Variants in DCLK1 observed in about 807,000 individuals in gnomAD.
The protein encoded by DCLK1 is serine/threonine-protein kinase DCLK1.
Under a neutral mutation model 86.2 loss-of-function variants are expected in DCLK1, and 16 were observed. The observed-to-expected ratio is 0.19, with a 90% CI of 0.13 to 0.28. The LOEUF (loss-of-function observed/expected upper bound fraction) is 0.28. DCLK1 is among the 10% of genes least tolerant of loss of function. DCLK1 has a pLI of 1.00. For synonymous variants in DCLK1, 369 were observed against 370.5 expected, an observed-to-expected ratio of 1.00 and a Z score of 0.05; for missense variants, 590 against 940.2, an observed-to-expected ratio of 0.63 and a Z score of 4.87.
At chr13:36,055,690 A>G (rs1199706687) in intron 3 of DCLK1, among the ~76,000 whole-genome samples, 1 of 152,144 alleles carries the variant, frequency 6.6e-6, no homozygotes, top group Non-Finnish European at 1.5e-5. Flanking sequence ...CTTTATGTTG[A>G]CTGCAGGATT....
In DCLK1 at chr13:35,822,861, A is replaced by G; in HGVS notation, c.1422T>C (p.Phe474=). Residue 474 remains phenylalanine, a synonymous_variant, in exon 11 of 17, where the codon TTT becomes TTC. Transcript: ENST00000360631. ...VMELVKGGDL[F]DAITSTNKYT... ...ATTTGTTAGTGGAAGTAATGGCATC[A>G]AAAAGGTCTCCCCCCTGAGAAGAGA... The G allele has an allele frequency of 1.2e-6, 2 of 1,613,922 alleles. No individual in the cohort carries two copies. The highest frequency in any genetic ancestry group is 1.7e-6 in the Non-Finnish European group (2 of 1,179,984).
chr13:35,855,446 T>C (rs1453858293), intron 5 of DCLK1: 24 of 1,490,174 alleles, frequency 1.6e-5, no homozygotes, highest in Middle Eastern at 1.7e-4. Flanking sequence ...AGGAGACACA[T>C]AGATTCTTGA....
intron 2 of DCLK1, among the ~76,000 whole-genome samples, chr13:36,116,033 T>C (rs1885774913): frequency 6.6e-6 from 1 of 151,880 alleles, no homozygotes; most frequent in Admixed American, 6.6e-5. Context: ...CACTGCAACC[T>C]CTGCCTCCTG....
intron 16 of DCLK1, among the ~76,000 whole-genome samples, chr13:35,788,833 T>G (rs997306386): frequency 2.0e-5 from 3 of 152,188 alleles, no homozygotes; most frequent in African/African-American, 7.2e-5. Context: ...CTTTTCCTTT[T>G]TATAAAAGGT....
intron 3 of DCLK1, among the ~76,000 whole-genome samples, chr13:36,071,553 A>T (rs760780422): frequency 1.1e-4 from 16 of 152,214 alleles, no homozygotes; most frequent in Non-Finnish European, 2.1e-4. Context: ...CAAAGTATAA[A>T]TTAGTGGCTA....
At chr13:35,965,179 A>T (rs1384737048) in intron 3 of DCLK1, among the ~76,000 whole-genome samples, 1 of 152,166 alleles carries the variant, frequency 6.6e-6, no homozygotes, top group Non-Finnish European at 1.5e-5. Context: ...TACCTCATGA[A>T]TGTGTCATTC....
chr13:36,048,752 T>A (rs1883019802), intron 3 of DCLK1, among the ~76,000 whole-genome samples: 1 of 152,186 alleles, frequency 6.6e-6, no homozygotes. Context: ...GCTTCTCTCT[T>A]TCCTTGACAG....
intron 3 of DCLK1, among the ~76,000 whole-genome samples, chr13:36,042,075 G>A (rs1220755510): frequency 1.3e-5 from 2 of 152,094 alleles, no homozygotes; most frequent in Non-Finnish European, 2.9e-5. Context: ...TGTAAAGCCA[G>A]AGCTTTGCTT....
chr13:35,802,276 G>A (rs2086936031), intron 15 of DCLK1, among the ~76,000 whole-genome samples: 1 of 151,198 alleles, frequency 6.6e-6, no homozygotes. Flanking sequence ...AGGCTGCAGT[G>A]AGCCATGATT....
intron 8 of DCLK1, among the ~76,000 whole-genome samples, chr13:35,830,465 A>G (rs1015138307): frequency 2.6e-5 from 4 of 152,186 alleles, no homozygotes; most frequent in African/African-American, 4.8e-5. Flanking sequence ...TAGAAGCTCT[A>G]TATCCTATAA....
intron 3 of DCLK1, among the ~76,000 whole-genome samples, chr13:36,039,707 T>A (rs1307809411): frequency 1.3e-5 from 2 of 151,734 alleles, no homozygotes; most frequent in African/African-American, 4.8e-5. Context: ...AAAAAAAAAA[T>A]CTTTGATCCA....
chr13:35,958,210 CCATCACCACCACCACTATAACCACCAT>C (rs1878212447), intron 3 of DCLK1, among the ~76,000 whole-genome samples: 1 of 134,920 alleles, frequency 7.4e-6, no homozygotes, highest in Non-Finnish European at 1.6e-5. Context: ...ACCATTATAA[CCATCACCACCACCACTATAACCACCAT>C]CATCACCACC....
intron 15 of DCLK1, among the ~76,000 whole-genome samples, chr13:35,799,257 T>TTGTTTG (rs1555340166): frequency 1.6e-4 from 25 of 151,958 alleles, no homozygotes; most frequent in Middle Eastern, 3.4e-3. Context: ...GTTGTTTTTT[T>TTGTTTG]TTTGTTTTCT....
At chr13:35,916,696 C>A (rs1404348816) in intron 4 of DCLK1, among the ~76,000 whole-genome samples, 2 of 152,162 alleles carry the variant, frequency 1.3e-5, no homozygotes, top group Non-Finnish European at 2.9e-5. Flanking sequence ...AATACACACA[C>A]ACAGATACAC....
chr13:35,848,743 C>T (rs1369828013), intron 6 of DCLK1: 4 of 985,202 alleles, frequency 4.1e-6, no homozygotes, highest in South Asian at 4.7e-5. Context: ...CCATCTGACC[C>T]CACCAGTTTT....
intron 3 of DCLK1, among the ~76,000 whole-genome samples, chr13:36,013,903 G>A (rs1004956845): frequency 6.6e-6 from 1 of 152,206 alleles, no homozygotes; most frequent in African/African-American, 2.4e-5. Flanking sequence ...AGGACCCTCC[G>A]AGCCAGGTGT....
At position 36,049,901 on chromosome 13, in the gene DCLK1, G is replaced by A. The variant is rs1373070382; in HGVS notation, c.723+61968C>T. 2.0e-5 allele frequency among the ~76,000 whole-genome samples: 3 copies of A among 152,114 alleles called. No homozygotes were observed. In the East Asian group the frequency reaches 5.8e-4, roughly 29 times the overall value. On this transcript the variant is annotated intron_variant, in intron 3 of 16. Transcript: ENST00000360631. ...TATGACTGAAAACCAGCAGAGTGCT[G>A]AAAAATATTTAACAACTGGCTTTTT...
chr13:35,914,917 TG>T (rs1398232620), intron 4 of DCLK1, among the ~76,000 whole-genome samples: 1 of 152,104 alleles, frequency 6.6e-6, no homozygotes, highest in African/African-American at 2.4e-5. Context: ...AGGAAGGAGA[TG>T]ACTTGAAGAT....
chr13:36,006,007 G>T (rs1880934846), intron 3 of DCLK1, among the ~76,000 whole-genome samples: 1 of 152,106 alleles, frequency 6.6e-6, no homozygotes, highest in South Asian at 2.1e-4. Context: ...ACACACTGGG[G>T]CCTGCTGGAG....
Sources: gnomAD v4.1 joint callset for allele counts (sites outside exome capture counted in the v4.1 genomes callset) on GRCh38, gnomAD v4.1.1 for gene constraint, MANE v1.5 for transcripts, NCBI Gene and HGNC (gene_info 2026-07-23, HGNC 2026-07-21) for gene names.